SLC12A3: variants seen among roughly 807,000 people sequenced by gnomAD.
SLC12A3 encodes solute carrier family 12 member 3, also known as Na-Cl cotransporter.
Under a neutral mutation model 121.0 loss-of-function variants are expected in SLC12A3, and 104 were observed. The ratio of observed to expected loss-of-function variants is 0.86; its 90% confidence interval spans 0.73 to 1.01. SLC12A3 has a LOEUF of 1.01. SLC12A3 is among the 50% of genes least tolerant of loss of function. The pLI is 0.00. For synonymous variants in SLC12A3, 536 were observed against 533.4 expected (o/e 1.00, Z -0.07); for missense variants, 1,328 against 1,356.3 (o/e 0.98, Z 0.33).
Position 56,890,185 on chromosome 16 carries a change from C to A in SLC12A3, c.2286-89C>A. ...GAAAGGGCGTGGTAGGAAGCAGAGC[C>A]AACTCTAGATATCTGGTCTCCTGGG... On this transcript the variant is annotated intron_variant, in intron 18 of 25. Coordinates refer to ENST00000563236, the MANE Select transcript of SLC12A3 (RefSeq NM_001126108.2). The A allele has an allele frequency of 9.4e-6, 9 of 957,122 alleles. No homozygotes were observed. The South Asian group carries it at 1.0e-4, about 11-fold the overall frequency. The allele number at this position is 957,122 out of a possible 1,614,324, so 59.3% of individuals were successfully genotyped here.
At chr16:56,891,742 G>A (rs544983467) in intron 19 of SLC12A3, among the ~76,000 whole-genome samples, 2 of 152,372 alleles carry the variant, frequency 1.3e-5, no homozygotes, top group Admixed American at 1.3e-4. Context: ...GGTGCAGGGC[G>A]TAGTGGCCAG....
At chr16:56,913,233 C>T (rs764624010) in intron 25 of SLC12A3, 31 bp from the exon 26 acceptor site, 2 of 1,614,012 alleles carry the variant, frequency 1.2e-6, no homozygotes, top group South Asian at 2.2e-5. Flanking sequence ...CCGTGGTAAT[C>T]TCTCTTCTAC....
At chr16:56,890,424 GA>G in intron 19 of SLC12A3, 68 bp downstream of exon 19, 3 of 1,260,066 alleles carry the variant, frequency 2.4e-6, no homozygotes, top group Admixed American at 1.8e-5. Flanking sequence ...ATGGCAGAGG[GA>G]AAAATGAGTA....
chr16:56,870,343 A>G, intron 5 of SLC12A3, 108 bp downstream of exon 5: 7 of 1,231,398 alleles, frequency 5.7e-6, no homozygotes, highest in South Asian at 1.4e-5. Flanking sequence ...GACTTCACCC[A>G]TCAGGAACCA....
chr16:56,879,090 G>A lies in SLC12A3; in HGVS notation c.1198G>A (p.Asp400Asn), dbSNP rs760303274. 6.2e-7 allele frequency: 1 copy of A among 1,612,060 alleles called. No homozygotes were observed. The highest frequency in any genetic ancestry group is 1.1e-5 in the South Asian group (1 of 90,702). The change falls in exon 10 of 26, where the codon GAT becomes AAT. Residue 400 changes from aspartate (D) to asparagine (N), a missense_variant. Coordinates refer to ENST00000563236, the MANE Select transcript of SLC12A3 (RefSeq NM_001126108.2). Reference protein sequence around the residue: ...SATIGSCVVRDASGVLNDTVT... With the variant: ...SATIGSCVVRNASGVLNDTVT... The stretch of plus-strand genomic sequence containing the variant: ...CCTCTCAGGCTCCTGCGTGGTGCGT[G>A]ATGCCTCTGGGGTCCTGAATGACAC...
At position 56,878,062 on chromosome 16, in the gene SLC12A3, C is replaced by A; in HGVS notation, c.1096-15C>A. ...TCCCTCCCTCCCTCCCTCCCTCTCTCCCTCCCTCCTTCAGGACCCTGCTAT... is the reference window on the plus strand; with the variant it reads ...TCCCTCCCTCCCTCCCTCCCTCTCTACCTCCCTCCTTCAGGACCCTGCTAT... On this transcript the variant is annotated splice_polypyrimidine_tract_variant and intron_variant, in intron 8 of 25. Coordinates refer to ENST00000563236, the MANE Select transcript of SLC12A3 (RefSeq NM_001126108.2). 2 of 746,132 alleles carry A rather than the reference C, an allele frequency of 2.7e-6. No homozygotes were observed. Among genetic ancestry groups the A allele is most frequent in the Non-Finnish European group, 4.3e-6 (2 of 463,778 alleles). The allele number at this position is 746,132 out of a possible 1,614,324, so 46.2% of individuals were successfully genotyped here. A position where few individuals can be genotyped will look rare whatever the true frequency, so the allele number is the denominator to read the frequency against.
intron 9 of SLC12A3, among the ~76,000 whole-genome samples, chr16:56,878,551 A>G (rs147373497): frequency 8.9e-4 from 135 of 152,112 alleles, no homozygotes; most frequent in African/African-American, 3.1e-3. Context: ...TATCATTGTC[A>G]TTTTCCCTAT....
intron 25 of SLC12A3, among the ~76,000 whole-genome samples, chr16:56,908,280 C>T (rs1467132264): frequency 1.3e-5 from 2 of 150,666 alleles, no homozygotes; most frequent in Admixed American, 1.3e-4. Flanking sequence ...CCTGCCTCAG[C>T]CTCCTGAATA....
chr16:56,867,872 T>G (rs1964397003), intron 2 of SLC12A3, among the ~76,000 whole-genome samples: 1 of 152,210 alleles, frequency 6.6e-6, no homozygotes, highest in Non-Finnish European at 1.5e-5. Flanking sequence ...GAAGCTGAAG[T>G]CACAGCCACC....
intron 21 of SLC12A3, among the ~76,000 whole-genome samples, chr16:56,893,969 T>A (rs2055426220): frequency 1.0e-5 from 1 of 95,902 alleles, no homozygotes; most frequent in Non-Finnish European, 2.0e-5. Context: ...TTTTTATTTT[T>A]ATTTTATTTA....
chr16:56,868,865 C>T (rs988359727), intron 3 of SLC12A3, among the ~76,000 whole-genome samples: 2 of 151,834 alleles, frequency 1.3e-5, no homozygotes, highest in Non-Finnish European at 2.9e-5. Context: ...CCCAGCTACT[C>T]GGGAGGCTGA....
At position 56,876,999 on chromosome 16, in the gene SLC12A3, CA is replaced by C. The variant is rs529393990; in HGVS notation, c.1096-1077del. On this transcript the variant is annotated intron_variant, in intron 8 of 25. Transcript: ENST00000563236. ...GCCCTCAGTTTCCCCACCAGCTGAG[CA>C]GGGGTGCCCAGGCCACTTCTCAGGA... Among the ~76,000 whole-genome samples, 305 of 152,354 alleles carry C rather than the reference CA, an allele frequency of 2.0e-3. 1 individual carries two copies. The highest frequency in any genetic ancestry group is 6.9e-3 in the African/African-American group (288 of 41,584).
intron 21 of SLC12A3, 36 bp downstream of exon 21, chr16:56,893,090 C>CG: frequency 1.9e-6 from 3 of 1,538,690 alleles, no homozygotes; most frequent in Non-Finnish European, 2.7e-6. Context: ...TCCTGCCCGG[C>CG]GGGGGCGGGG....
chr16:56,879,983 G>A, intron 11 of SLC12A3, 147 bp from the exon 12 acceptor site: 2 of 945,816 alleles, frequency 2.1e-6, no homozygotes, highest in South Asian at 1.4e-5. Context: ...GAGGGGGTGA[G>A]CATCCCTGTT....
intron 22 of SLC12A3, among the ~76,000 whole-genome samples, chr16:56,898,223 G>C (rs1015468388): frequency 6.6e-6 from 1 of 151,964 alleles, no homozygotes; most frequent in Non-Finnish European, 1.5e-5. Flanking sequence ...GGAGGGCCCA[G>C]GCAGGTGTAT....
Position 56,892,942 on chromosome 16 carries a change from A to T in SLC12A3, c.2420-11A>T. The T allele has an allele frequency of 1.2e-6, 2 of 1,611,796 alleles. No homozygotes were observed. The highest frequency in any genetic ancestry group is 8.5e-7 in the Non-Finnish European group (1 of 1,178,112). On this transcript the variant is annotated splice_polypyrimidine_tract_variant and intron_variant, in intron 20 of 25. Coordinates refer to ENST00000563236, the MANE Select transcript of SLC12A3 (RefSeq NM_001126108.2). ...GCTGGCTCTGCTCTGACCCGCCCCC[A>T]CCTCCTGCAGTGGACCCCAAGGCCC...
chr16:56,876,591 G>A (rs1340442112), intron 8 of SLC12A3, among the ~76,000 whole-genome samples: 2 of 152,180 alleles, frequency 1.3e-5, no homozygotes. Flanking sequence ...GCCAAGGCTT[G>A]GAGGTCCCAG....
intron 22 of SLC12A3, among the ~76,000 whole-genome samples, chr16:56,897,553 T>A (rs12447990): frequency 0.26 from 39,136 of 152,114 alleles, 5,517 homozygotes; most frequent in African/African-American, 0.39. Context: ...GCCCCTTTTC[T>A]GCAATGCTAA....
chr16:56,880,064 G>C, intron 11 of SLC12A3, 66 bp from the exon 12 acceptor site: 1 of 1,583,254 alleles, frequency 6.3e-7, no homozygotes, highest in Middle Eastern at 1.7e-4. Context: ...TGGAGCTCAG[G>C]TGGCCCCAGG....
Sources: allele counts gnomAD v4.1 joint callset (sites outside exome capture counted in the v4.1 genomes callset), GRCh38; gene constraint gnomAD v4.1.1; transcripts MANE v1.5; gene names NCBI Gene and HGNC (gene_info 2026-07-23, HGNC 2026-07-21).